The following EDC4 variants were observed in gnomAD, a reference collection of about 807,000 sequenced individuals.
EDC4 encodes the protein enhancer of mRNA decapping 4.
Under a neutral mutation model 155.8 loss-of-function variants are expected in EDC4, and 64 were observed. The ratio of observed to expected loss-of-function variants is 0.41; its 90% confidence interval spans 0.34 to 0.51. The LOEUF is 0.51. Among genes scored for constraint, EDC4 ranks in the 20% least tolerant of loss-of-function variants. EDC4 has a pLI of 0.19. For synonymous variants in EDC4, 684 were observed against 716.8 expected (o/e 0.95, Z 0.73); for missense variants, 1,303 against 1,812.5 (o/e 0.72, Z 5.10).
At position 67,879,720 on chromosome 16, in the gene EDC4, G is replaced by A. The variant is rs1473806363; in HGVS notation, c.1767G>A (p.Lys589=). The change falls in exon 15 of 29, where the codon AAG becomes AAA. Residue 589 remains lysine (K), a synonymous_variant. Coordinates refer to ENST00000358933, the MANE Select transcript of EDC4 (RefSeq NM_014329.5). The surrounding 1 kb of genome is among the most constrained non-coding windows in gnomAD (Gnocchi z 6.0). ...TCCTCAGTCTGAGCAGTGAGACCAA[G>A]CCCAAGTTGATGACACCTGACGCCT... ...ADFLSLSSET[K]PKLMTPDAFM... is the part of the protein sequence containing the mutation. 1 of 1,614,150 alleles carries A rather than the reference G, an allele frequency of 6.2e-7. No homozygotes were observed. The highest frequency in any genetic ancestry group is 8.5e-7 in the Non-Finnish European group (1 of 1,180,032).
rs2058046018 is a variant in EDC4, at chr16:67,877,363, A to G, written c.598A>G (p.Asn200Asp). The G allele has an allele frequency of 3.7e-6, 6 of 1,613,916 alleles. No homozygotes were observed. The highest frequency in any genetic ancestry group is 5.1e-6 in the Non-Finnish European group (6 of 1,179,954). ...GCTGGCCTGCCTGGATGAGGCAGGC[A>G]ACCTGTTCGTGTGGCGCTTGGCTCT... ...PQLACLDEAG[N>D]LFVWRLALVN... Residue 200 changes from asparagine (N) to aspartate (D), a missense_variant, in exon 5 of 29, where the codon AAC becomes GAC. Coordinates refer to ENST00000358933, the MANE Select transcript of EDC4 (RefSeq NM_014329.5). This position sits in a 1 kb window ranked among gnomAD's most constrained non-coding sequence, Gnocchi z 4.9.
rs780242885 is a variant in EDC4 at position 67,881,187 on chromosome 16, G to A, written c.2636+7G>A. 1 of 1,614,072 alleles carries A rather than the reference G, an allele frequency of 6.2e-7. No homozygotes were observed. ...ATGCCAGTGCTGAGCAAAGGTGGGA[G>A]CCACTCTACACCATTGCCCTCATGG... On this transcript the variant is annotated splice_region_variant and intron_variant, in intron 19 of 28. Coordinates refer to ENST00000358933, the MANE Select transcript of EDC4 (RefSeq NM_014329.5). The surrounding 1 kb of genome is among the most constrained non-coding windows in gnomAD (Gnocchi z 5.4).
chr16:67,883,666 T>A lies in EDC4; in HGVS notation c.3948T>A (p.Pro1316=). The change falls in exon 28 of 29, where the codon CCT becomes CCA. Residue 1316 remains proline (P), a synonymous_variant. Coordinates refer to ENST00000358933, the MANE Select transcript of EDC4 (RefSeq NM_014329.5). This position sits in a 1 kb window ranked among gnomAD's most constrained non-coding sequence, Gnocchi z 5.3. Reference sequence around the variant, plus strand: ...AGCCACCCTGCCCGCTCTCCCAGCCTGTGCTCCTTTCCCTCATCCAGCAGC... The same window carrying A: ...AGCCACCCTGCCCGCTCTCCCAGCCAGTGCTCCTTTCCCTCATCCAGCAGC... ...FGQPPCPLSQ[P]VLLSLIQQLA... The A allele has an allele frequency of 6.2e-7, 1 of 1,614,226 alleles. No homozygotes were observed. Among genetic ancestry groups the A allele is most frequent in the Non-Finnish European group, 8.5e-7 (1 of 1,180,046 alleles).
Position 67,884,234 on chromosome 16 carries a change from T to C in EDC4, c.*86T>C, listed in dbSNP as rs2058083690. The stretch of plus-strand genomic sequence containing the variant: ...CTGGGGCAGGGTCACGGCTGGCCTT[T>C]ACCTGCTCAGGCCCCCATCTCTGGG... On this transcript the variant is annotated 3_prime_UTR_variant, in exon 29 of 29. Coordinates refer to ENST00000358933, the MANE Select transcript of EDC4 (RefSeq NM_014329.5). The surrounding 1 kb of genome is among the most constrained non-coding windows in gnomAD (Gnocchi z 4.1). 7.7e-7 allele frequency: 1 copy of C among 1,296,682 alleles called. No homozygotes were observed. The highest frequency in any genetic ancestry group is 1.0e-6 in the Non-Finnish European group (1 of 958,668). 80.3% of individuals were successfully genotyped at this position (1,296,682 alleles called of 1,614,324 possible). A position where few individuals can be genotyped will look rare whatever the true frequency, so the allele number is the denominator to read the frequency against.
In EDC4 at chr16:67,876,411, G is replaced by T; in HGVS notation, c.240-77G>T. On this transcript the variant is annotated intron_variant, in intron 2 of 28. Coordinates refer to ENST00000358933, the MANE Select transcript of EDC4 (RefSeq NM_014329.5). This position sits in a 1 kb window ranked among gnomAD's most constrained non-coding sequence, Gnocchi z 5.8. The stretch of plus-strand genomic sequence containing the variant: ...TAGATACCTTCCCCAGTCTGGCTAT[G>T]TCCTCGCTTCCTCCCAACCCTGCCC... 1 of 1,564,124 alleles carries T rather than the reference G, an allele frequency of 6.4e-7. No individual in the cohort carries two copies. The highest frequency in any genetic ancestry group is 8.7e-7 in the Non-Finnish European group (1 of 1,152,662).
Position 67,879,419 on chromosome 16 carries a change from C to T in EDC4, c.1549C>T (p.Gln517Ter). The T allele has an allele frequency of 1.2e-6, 2 of 1,614,216 alleles. No individual in the cohort carries two copies. The highest frequency in any genetic ancestry group is 1.7e-6 in the Non-Finnish European group (2 of 1,180,034). ...CCCCTTCTTTTCCTGCAGGGCACTG[C>T]AAGATGTGCAGATCCGCTTCCAGCC... ...KLFCVHTKAL[Q>*]DVQIRFQPQL... is the part of the protein sequence containing the mutation. The change falls in exon 14 of 29, where the codon CAA (glutamine) becomes TAA (stop). Residue 517 changes from glutamine to a stop codon, truncating the protein, a stop_gained. Coordinates refer to ENST00000358933, the MANE Select transcript of EDC4 (RefSeq NM_014329.5). LOFTEE classifies it high-confidence loss of function. The surrounding 1 kb of genome is among the most constrained non-coding windows in gnomAD (Gnocchi z 6.0).
Position 67,877,091 on chromosome 16 carries a change from G to T in EDC4, c.451+119G>T. 1 of 1,537,510 alleles carries T rather than the reference G, an allele frequency of 6.5e-7. No homozygotes were observed. On this transcript the variant is annotated intron_variant, in intron 4 of 28. Coordinates refer to ENST00000358933, the MANE Select transcript of EDC4 (RefSeq NM_014329.5). This position sits in a 1 kb window ranked among gnomAD's most constrained non-coding sequence, Gnocchi z 4.9. ...GGAAGGTTTGTCCATGCTGCCTCTT[G>T]GGGAGCTGGGTGGGAAAACCAAGCT...
chr16:67,883,863 C>T lies in EDC4; in HGVS notation c.4014-93C>T. ...TCTCCACCAGTCCTTTCTGCCTTCACCCAGAGGGTTCCCTCTGGGCCTCGG... is the reference window on the plus strand; with the variant it reads ...TCTCCACCAGTCCTTTCTGCCTTCATCCAGAGGGTTCCCTCTGGGCCTCGG... On this transcript the variant is annotated intron_variant, in intron 28 of 28. Coordinates refer to ENST00000358933, the MANE Select transcript of EDC4 (RefSeq NM_014329.5). The surrounding 1 kb of genome is among the most constrained non-coding windows in gnomAD (Gnocchi z 5.3). 9 of 1,536,478 alleles carry T rather than the reference C, an allele frequency of 5.9e-6. No individual in the cohort carries two copies. Among genetic ancestry groups the T allele is most frequent in the Non-Finnish European group, 7.9e-6 (9 of 1,136,272 alleles).
chr16:67,877,989 G>A lies in EDC4; in HGVS notation c.894+144G>A. On this transcript the variant is annotated intron_variant, in intron 7 of 28. Coordinates refer to ENST00000358933, the MANE Select transcript of EDC4 (RefSeq NM_014329.5). This position sits in a 1 kb window ranked among gnomAD's most constrained non-coding sequence, Gnocchi z 4.9. Reference sequence around the variant, plus strand: ...GCTCAAATTGGCCCTCACCTGTGCAGCTTTCTCCTTATCTAGCAGCACCCT... The same window carrying A: ...GCTCAAATTGGCCCTCACCTGTGCAACTTTCTCCTTATCTAGCAGCACCCT... The A allele has an allele frequency of 6.7e-7, 1 of 1,488,568 alleles. No individual in the cohort carries two copies. Among genetic ancestry groups the A allele is most frequent in the South Asian group, 1.3e-5 (1 of 76,818 alleles). 92.2% of individuals were successfully genotyped at this position (1,488,568 alleles called of 1,614,324 possible).
At position 67,876,819 on chromosome 16, in the gene EDC4, G is replaced by A. The variant is rs890075280; in HGVS notation, c.352-54G>A. The A allele has an allele frequency of 1.6e-5, 25 of 1,600,274 alleles. No individual in the cohort carries two copies. In the African/African-American group the frequency reaches 2.5e-4, roughly 16 times the overall value. On this transcript the variant is annotated intron_variant, in intron 3 of 28. Transcript: ENST00000358933. This position sits in a 1 kb window ranked among gnomAD's most constrained non-coding sequence, Gnocchi z 5.8. Reference sequence around the variant, plus strand: ...CCTCTCCCATCCCCAGGGATGTTGGGGGCCACCTAGGCTCTGGGGAAGTTC... The same window carrying A: ...CCTCTCCCATCCCCAGGGATGTTGGAGGCCACCTAGGCTCTGGGGAAGTTC...
rs764484414 is a variant in EDC4 at position 67,881,617 on chromosome 16, G to A, written c.2827-51G>A. The A allele has an allele frequency of 3.1e-6, 5 of 1,611,410 alleles. No individual in the cohort carries two copies. Among genetic ancestry groups the A allele is most frequent in the Non-Finnish European group, 4.2e-6 (5 of 1,178,054 alleles). ...GCTCTGGGCCATTCCCTGGTCTGGT[G>A]TGTGGGAATAGGTGGGGCAGGCATC... On this transcript the variant is annotated intron_variant, in intron 21 of 28. Coordinates refer to ENST00000358933, the MANE Select transcript of EDC4 (RefSeq NM_014329.5). This position sits in a 1 kb window ranked among gnomAD's most constrained non-coding sequence, Gnocchi z 5.4.
At position 67,883,950 on chromosome 16, in the gene EDC4, C is replaced by T; in HGVS notation, c.4014-6C>T. The T allele has an allele frequency of 1.3e-6, 2 of 1,588,136 alleles. No homozygotes were observed. Among genetic ancestry groups the T allele is most frequent in the Non-Finnish European group, 8.6e-7 (1 of 1,163,048 alleles). On this transcript the variant is annotated splice_polypyrimidine_tract_variant and splice_region_variant and intron_variant, in intron 28 of 28. Coordinates refer to ENST00000358933, the MANE Select transcript of EDC4 (RefSeq NM_014329.5). This position sits in a 1 kb window ranked among gnomAD's most constrained non-coding sequence, Gnocchi z 5.3. ...CTGTAGCCTGTCCTTTCCCCCCCATCCCCAGCTACCTGGAAGAGGCCGTGA... is the reference window on the plus strand; with the variant it reads ...CTGTAGCCTGTCCTTTCCCCCCCATTCCCAGCTACCTGGAAGAGGCCGTGA...
rs184765086 is a variant in EDC4 at position 67,882,203 on chromosome 16, C to T, written c.3161-9C>T. On this transcript the variant is annotated splice_polypyrimidine_tract_variant and intron_variant, in intron 23 of 28. Coordinates refer to ENST00000358933, the MANE Select transcript of EDC4 (RefSeq NM_014329.5). The surrounding 1 kb of genome is among the most constrained non-coding windows in gnomAD (Gnocchi z 7.2). ...CATGGCTCCACCTCACCCTCTTCCC[C>T]TCTCCCAGGTGTCTCAAGGAGTCTG... The T allele has an allele frequency of 1.7e-4, 272 of 1,613,616 alleles. 2 individuals are homozygous for T. The East Asian group carries it at 5.8e-3, about 34-fold the overall frequency.
Position 67,876,187 on chromosome 16 carries a change from C to A in EDC4, c.239+86C>A. 1 of 1,406,032 alleles carries A rather than the reference C, an allele frequency of 7.1e-7. No homozygotes were observed. Among genetic ancestry groups the A allele is most frequent in the Non-Finnish European group, 9.9e-7 (1 of 1,009,914 alleles). 87.1% of individuals were successfully genotyped at this position (1,406,032 alleles called of 1,614,324 possible). ...GGCATGAGATGGGGAGTGAGCGGGG[C>A]CAGCAGCCTCTGCTGCTTCCTCTCT... On this transcript the variant is annotated intron_variant, in intron 2 of 28. Transcript: ENST00000358933. The surrounding 1 kb of genome is among the most constrained non-coding windows in gnomAD (Gnocchi z 5.8).
chr16:67,877,292 C>CA lies in EDC4; in HGVS notation c.528dup (p.Gly177ArgfsTer5). 6.2e-7 allele frequency: 1 copy of CA among 1,614,212 alleles called. No homozygotes were observed. The highest frequency in any genetic ancestry group is 8.5e-7 in the Non-Finnish European group (1 of 1,180,046). On this transcript the variant is annotated frameshift_variant, in exon 5 of 29. Coordinates refer to ENST00000358933, the MANE Select transcript of EDC4 (RefSeq NM_014329.5). LOFTEE classifies it high-confidence loss of function. The surrounding 1 kb of genome is among the most constrained non-coding windows in gnomAD (Gnocchi z 4.9). ...GAGCGGACCTTGCTCAAGGGCTTCA[C>CA]AGGCAGTGTGGCTGATCTGGCTTTC... is the stretch of plus-strand genomic sequence containing the variant.
chr16:67,883,589 A>G lies in EDC4; in HGVS notation c.3871A>G (p.Asn1291Asp), dbSNP rs1382601033. 1 of 1,614,012 alleles carries G rather than the reference A, an allele frequency of 6.2e-7. No individual in the cohort carries two copies. The highest frequency in any genetic ancestry group is 1.1e-5 in the South Asian group (1 of 91,088). The part of the protein sequence containing the change: ...FQQALTAADL[N>D]LVLYVCETVD... ...CCAGGCGCTGACAGCTGCTGACCTG[A>G]ACCTGGTGCTGTATGTGTGTGAAAC... Residue 1291 changes from asparagine (N) to aspartate (D), a missense_variant, in exon 28 of 29, where the codon AAC becomes GAC. Coordinates refer to ENST00000358933, the MANE Select transcript of EDC4 (RefSeq NM_014329.5). The surrounding 1 kb of genome is among the most constrained non-coding windows in gnomAD (Gnocchi z 5.3).
chr16:67,875,300 G>A (rs2058036880), intron 1 of EDC4, among the ~76,000 whole-genome samples: 1 of 152,134 alleles, frequency 6.6e-6, no homozygotes, highest in Non-Finnish European at 1.5e-5. Context: ...AGCCATTTCT[G>A]TGTGGGGCAG....
chr16:67,876,228 G>A lies in EDC4; in HGVS notation c.239+127G>A. ...CTTCCTCTCTAGATGACCTGGGGTG[G>A]AGCTTGAGCTTGCACTAGGATGAGA... is the stretch of plus-strand genomic sequence containing the variant. On this transcript the variant is annotated intron_variant, in intron 2 of 28. Transcript: ENST00000358933. The surrounding 1 kb of genome is among the most constrained non-coding windows in gnomAD (Gnocchi z 5.8). 1 of 1,166,566 alleles carries A rather than the reference G, an allele frequency of 8.6e-7. No individual in the cohort carries two copies. The highest frequency in any genetic ancestry group is 1.2e-6 in the Non-Finnish European group (1 of 820,794). The allele number at this position is 1,166,566 out of a possible 1,614,324, so 72.3% of individuals were successfully genotyped here.
At position 67,877,839 on chromosome 16, in the gene EDC4, T is replaced by C. The variant is rs370222177; in HGVS notation, c.888T>C (p.His296=). The change falls in exon 7 of 29, where the codon CAT becomes CAC. Residue 296 remains histidine, a synonymous_variant. Coordinates refer to ENST00000358933, the MANE Select transcript of EDC4 (RefSeq NM_014329.5). This position sits in a 1 kb window ranked among gnomAD's most constrained non-coding sequence, Gnocchi z 4.9. ...AGGGCTTCATTGTGGTAAAAGGTCA[T>C]AGCACGGTAAGCCTGTGACTGCCTG... ...IKQGFIVVKG[H]STCLSEGALS... is the part of the protein sequence containing the mutation. 6.4e-5 allele frequency: 104 copies of C among 1,613,892 alleles called. 1 individual carries two copies. Among genetic ancestry groups the C allele is most frequent in the Non-Finnish European group, 8.1e-5 (95 of 1,180,032 alleles).
Sources: gnomAD v4.1 joint callset for allele counts (sites outside exome capture counted in the v4.1 genomes callset) on GRCh38, gnomAD v4.1.1 for gene constraint, Gnocchi (gnomAD v3.1) non-coding constraint, MANE v1.5 for transcripts, NCBI Gene and HGNC (gene_info 2026-07-23, HGNC 2026-07-21) for gene names.